MAP4K1: variants seen among roughly 807,000 people sequenced by gnomAD.
The protein encoded by MAP4K1 is MAPK/ERK kinase kinase kinase 1.
A neutral mutation model predicts 122.8 loss-of-function variants in MAP4K1; 35 were observed. The ratio of observed to expected loss-of-function variants is 0.29; its 90% CI spans 0.22 to 0.38. The LOEUF is 0.38. MAP4K1 is among the 10% of genes least tolerant of loss of function. The probability of loss-of-function intolerance (pLI) is 1.00; values close to 1 mark genes in which losing one functional copy is unlikely to be tolerated. For missense variants in MAP4K1, 791 were observed against 1,072.6 expected, an observed-to-expected ratio of 0.74 and a Z score of 3.67; for synonymous variants, 412 against 421.3, an observed-to-expected ratio of 0.98 and a Z score of 0.27.
At position 38,597,412 on chromosome 19, in the gene MAP4K1, G is replaced by A; in HGVS notation, c.1779-28C>T. 3 of 1,613,726 alleles carry A rather than the reference G, an allele frequency of 1.9e-6. No individual in the cohort carries two copies. The African/African-American group carries it at 4.0e-5, about 22-fold the overall frequency. ...GGAGAATAGGTAGGTGTGAAGGGGG[G>A]TAGGACAGCAGGAGGCAGAGGGGCA... is the stretch of plus-strand genomic sequence containing the variant. On this transcript the variant is annotated intron_variant, in intron 23 of 30. Coordinates refer to ENST00000396857, the MANE Select transcript of MAP4K1 (RefSeq NM_001042600.3). This position sits in a 1 kb window ranked among gnomAD's most constrained non-coding sequence, Gnocchi z 4.6.
intron 30 of MAP4K1, chr19:38,589,287 A>G: frequency 3.7e-6 from 1 of 266,934 alleles, no homozygotes; most frequent in Non-Finnish European, 7.6e-6. Flanking sequence ...TGGGGGACAG[A>G]GTGAGACTCT....
At chr19:38,614,719 G>C in intron 4 of MAP4K1, 2 of 486,364 alleles carry the variant, frequency 4.1e-6, no homozygotes, top group Non-Finnish European at 7.5e-6. Context: ...TCAGGAGTCC[G>C]AGACCAGCCT....
chr19:38,599,714 T>C (rs1294464948), intron 22 of MAP4K1, among the ~76,000 whole-genome samples: 1 of 151,996 alleles, frequency 6.6e-6, no homozygotes, highest in Non-Finnish European at 1.5e-5. Flanking sequence ...CAAAATTGAC[T>C]TGAGAGGTGA....
chr19:38,603,820 CT>C (rs546220168), intron 19 of MAP4K1, among the ~76,000 whole-genome samples: 27 of 152,128 alleles, frequency 1.8e-4, no homozygotes, highest in Admixed American at 1.6e-3. Context: ...TCCGTCTCTA[CT>C]AAAAATACAA....
intron 18 of MAP4K1, 36 bp downstream of exon 18, chr19:38,605,531 CA>C (rs1315256304): frequency 6.5e-7 from 1 of 1,534,720 alleles, no homozygotes; most frequent in South Asian, 1.2e-5. Flanking sequence ...CAAGAACCCC[CA>C]ACCCTCCCGC....
intron 30 of MAP4K1, chr19:38,589,177 C>T (rs896067819): frequency 6.5e-6 from 1 of 152,902 alleles, no homozygotes; most frequent in Non-Finnish European, 1.5e-5. Flanking sequence ...TTGGCTCAAA[C>T]CTGTAATCCC....
chr19:38,596,675 GC>G (rs1414968909), intron 25 of MAP4K1, among the ~76,000 whole-genome samples, 189 bp from the exon 26 acceptor site: 1 of 152,184 alleles, frequency 6.6e-6, no homozygotes, highest in African/African-American at 2.4e-5. Flanking sequence ...AGTGGGTGTG[GC>G]TTCCATGTGG....
At chr19:38,613,846 C>T (rs1198208969) in intron 8 of MAP4K1, 34 bp downstream of exon 8, 1 of 1,556,520 alleles carries the variant, frequency 6.4e-7, no homozygotes, top group Non-Finnish European at 8.7e-7. Flanking sequence ...CTGACCCCCA[C>T]TCCACCCCTA....
chr19:38,589,541 G>A (rs535863716), intron 30 of MAP4K1, among the ~76,000 whole-genome samples: 53 of 150,832 alleles, frequency 3.5e-4, no homozygotes, highest in African/African-American at 1.3e-3. Context: ...TCAGCCTCCC[G>A]AGTAGCTGGG....
intron 30 of MAP4K1, among the ~76,000 whole-genome samples, chr19:38,589,607 G>A (rs1315787271): frequency 6.6e-6 from 1 of 151,934 alleles, no homozygotes; most frequent in Non-Finnish European, 1.5e-5. Flanking sequence ...TAGAGACAGG[G>A]TTTCTCCACA....
chr19:38,601,610 G>A lies in MAP4K1; in HGVS notation c.1447-85C>T, dbSNP rs893617090. On this transcript the variant is annotated intron_variant, in intron 19 of 30. Transcript: ENST00000396857. ...GGGGCAGTGGTTACGACTTTGGAGC[G>A]AGAGTGCCAAGGTTCAAATCCTGCC... 12 of 985,820 alleles carry A rather than the reference G, an allele frequency of 1.2e-5. 1 individual carries two copies. The highest frequency in any genetic ancestry group is 8.1e-5 in the African/African-American group (5 of 61,498). The allele number at this position is 985,820 out of a possible 1,614,324, so 61.1% of individuals were successfully genotyped here. A position where few individuals can be genotyped will look rare whatever the true frequency, so the allele number is the denominator to read the frequency against.
At chr19:38,606,548 C>T (rs1250227239) in intron 16 of MAP4K1, among the ~76,000 whole-genome samples, 2 of 152,104 alleles carry the variant, frequency 1.3e-5, no homozygotes, top group African/African-American at 4.8e-5. Context: ...CGCAGCTACT[C>T]AGGAGGCTGA....
At chr19:38,604,485 C>T (rs1975263453) in intron 19 of MAP4K1, among the ~76,000 whole-genome samples, 1 of 152,032 alleles carries the variant, frequency 6.6e-6, no homozygotes, top group African/African-American at 2.4e-5. Context: ...CCACCACGCC[C>T]AGCTAATTTT....
intron 30 of MAP4K1, among the ~76,000 whole-genome samples, chr19:38,589,893 A>G (rs2145927153): frequency 6.6e-6 from 1 of 152,110 alleles, no homozygotes; most frequent in South Asian, 2.1e-4. Flanking sequence ...AGCCAGGTGT[A>G]GTGGTACGCG....
chr19:38,608,756 C>T (rs1975404620), intron 13 of MAP4K1, among the ~76,000 whole-genome samples: 1 of 140,782 alleles, frequency 7.1e-6, no homozygotes, highest in South Asian at 2.2e-4. Context: ...GCCAAGATCG[C>T]ACCATCGCAC....
intron 30 of MAP4K1, 40 bp downstream of exon 30, chr19:38,593,242 C>T: frequency 1.9e-6 from 3 of 1,585,520 alleles, no homozygotes; most frequent in South Asian, 1.1e-5. Context: ...ACATCAGAAG[C>T]CCCCTCCCAG....
intron 19 of MAP4K1, 113 bp downstream of exon 19, chr19:38,605,296 C>G: frequency 1.3e-6 from 1 of 780,416 alleles, no homozygotes; most frequent in Non-Finnish European, 2.1e-6. Flanking sequence ...CACAGAGAAG[C>G]GCTCAACAAA....
At position 38,617,141 on chromosome 19, in the gene MAP4K1, G is replaced by T. The variant is rs1975669813; in HGVS notation, c.248+213C>A. On this transcript the variant is annotated intron_variant, in intron 3 of 30. Transcript: ENST00000396857. The surrounding 1 kb of genome is among the most constrained non-coding windows in gnomAD (Gnocchi z 4.1). ...AGCGCCTGTAATCCCAGCTACTCGG[G>T]AGTCTGAGGCAGAGAATTGCTTGAA... 6.6e-6 allele frequency among the ~76,000 whole-genome samples: 1 copy of T among 152,050 alleles called. No homozygotes were observed.
intron 7 of MAP4K1, 24 bp from the exon 8 acceptor site, chr19:38,613,976 G>A (rs760188285): frequency 6.4e-5 from 104 of 1,613,418 alleles, no homozygotes; most frequent in Non-Finnish European, 7.9e-5. Flanking sequence ...GAGACATAGT[G>A]ATCTGGGGTC....
Sources: allele counts gnomAD v4.1 joint callset (sites outside exome capture counted in the v4.1 genomes callset), GRCh38; gene constraint gnomAD v4.1.1; non-coding constraint Gnocchi (gnomAD v3.1); transcripts MANE v1.5; gene names NCBI Gene and HGNC (gene_info 2026-07-23, HGNC 2026-07-21).